ELMO1: variants seen among roughly 807,000 people sequenced by gnomAD.
The protein encoded by ELMO1 is engulfment and cell motility protein 1.
ELMO1 carries 26 observed loss-of-function variants against 98.9 expected under a neutral mutation model. The ratio of observed to expected loss-of-function variants is 0.26; its 90% CI spans 0.19 to 0.36. ELMO1 has a LOEUF of 0.36. Ranked by LOEUF, ELMO1 falls within the 10% of genes least tolerant of loss-of-function variation. The probability of loss-of-function intolerance (pLI) is 1.00; values close to 1 mark genes in which losing one functional copy is unlikely to be tolerated. For missense variants in ELMO1, 627 were observed against 935.2 expected, an observed-to-expected ratio of 0.67 and a Z score of 4.30; for synonymous variants, 346 against 346.0, an observed-to-expected ratio of 1.00 and a Z score of 0.00.
At chr7:37,361,703 A>G (rs1464768343) in intron 1 of ELMO1, among the ~76,000 whole-genome samples, 1 of 152,256 alleles carries the variant, frequency 6.6e-6, no homozygotes, top group Non-Finnish European at 1.5e-5. Context: ...TCAAGCCCGT[A>G]ATCCCAGCAC....
At chr7:37,233,031 G>T in intron 8 of ELMO1, 64 bp downstream of exon 8, 1 of 1,359,786 alleles carries the variant, frequency 7.4e-7, no homozygotes, top group Non-Finnish European at 1.0e-6. Flanking sequence ...CATCCTCAAA[G>T]CAGAGAAAAA....
intron 13 of ELMO1, among the ~76,000 whole-genome samples, chr7:37,192,131 A>G (rs568617626): frequency 5.3e-5 from 8 of 152,254 alleles, no homozygotes; most frequent in Non-Finnish European, 1.2e-4. Flanking sequence ...GTTTTCCACA[A>G]TTTCCTCTCC....
chr7:37,445,477 C>G (rs1449673104), intron 1 of ELMO1, among the ~76,000 whole-genome samples: 1 of 152,162 alleles, frequency 6.6e-6, no homozygotes, highest in East Asian at 1.9e-4. Flanking sequence ...CATTAGGCAA[C>G]CTGATGAAGT....
At chr7:37,004,921 C>A (rs757780384) in intron 16 of ELMO1, among the ~76,000 whole-genome samples, 1 of 151,620 alleles carries the variant, frequency 6.6e-6, no homozygotes, top group Non-Finnish European at 1.5e-5. Context: ...CCATTCTGGC[C>A]AACAAGGTGA....
intron 13 of ELMO1, among the ~76,000 whole-genome samples, chr7:37,188,047 G>A (rs1791323940): frequency 6.6e-6 from 1 of 151,708 alleles, no homozygotes; most frequent in African/African-American, 2.4e-5. Flanking sequence ...GGGGGGTGGG[G>A]GTGCATTAAA....
chr7:37,404,199 T>C (rs1398105328), intron 1 of ELMO1, among the ~76,000 whole-genome samples: 1 of 152,100 alleles, frequency 6.6e-6, no homozygotes, highest in African/African-American at 2.4e-5. Flanking sequence ...ATGGGAAGGT[T>C]TGGGCCAGCA....
intron 18 of ELMO1, among the ~76,000 whole-genome samples, 191 bp downstream of exon 18, chr7:36,887,369 T>C (rs1805110660): frequency 6.6e-6 from 1 of 152,190 alleles, no homozygotes; most frequent in South Asian, 2.1e-4. Context: ...TTTCTGTGGC[T>C]CTTCTGGTAA....
intron 13 of ELMO1, among the ~76,000 whole-genome samples, chr7:37,140,385 CA>C (rs549057573): frequency 1.6e-3 from 202 of 128,850 alleles, no homozygotes; most frequent in Admixed American, 1.7e-3. Context: ...GACTCCGTCT[CA>C]AAAAAAAAAA....
chr7:37,178,408 A>T (rs1400033137), intron 13 of ELMO1, among the ~76,000 whole-genome samples: 1 of 148,260 alleles, frequency 6.7e-6, no homozygotes, highest in African/African-American at 2.5e-5. Context: ...CACGGGAGTC[A>T]TGGGAGCTAC....
chr7:36,977,419 A>C (rs1340540210), intron 16 of ELMO1, among the ~76,000 whole-genome samples: 1 of 152,228 alleles, frequency 6.6e-6, no homozygotes, highest in African/African-American at 2.4e-5. Context: ...ACAGATCACC[A>C]CACACAGTGG....
At chr7:37,430,086 G>A (rs928420215) in intron 1 of ELMO1, among the ~76,000 whole-genome samples, 4 of 152,164 alleles carry the variant, frequency 2.6e-5, no homozygotes, top group Admixed American at 6.5e-5. Context: ...TGGCATTGAC[G>A]GAGAGCACAG....
intron 15 of ELMO1, among the ~76,000 whole-genome samples, chr7:37,052,977 GT>G (rs1417213423): frequency 2.6e-5 from 4 of 152,202 alleles, no homozygotes; most frequent in Non-Finnish European, 5.9e-5. Flanking sequence ...TTCAGCAGAT[GT>G]CTTGGGGTTG....
rs753914608 is a variant in ELMO1 at position 37,417,683 on chromosome 7, C to CACACACACACACACACACACACACACAA, written c.-74+30991_-74+30992insTTGTGTGTGTGTGTGTGTGTGTGTGTGT. Among the ~76,000 whole-genome samples the CACACACACACACACACACACACACACAA allele has an allele frequency of 4.0e-3, 584 of 146,292 alleles. 3 individuals are homozygous for CACACACACACACACACACACACACACAA. The highest frequency in any genetic ancestry group is 4.9e-3 in the Non-Finnish European group (323 of 66,198). On this transcript the variant is annotated intron_variant, in intron 1 of 21. Transcript: ENST00000310758. ...CGTCACACACACACACACACACACA[C>CACACACACACACACACACACACACACAA]AAGCAAAAATTAGCTGGGTGTGGTG... is the stretch of plus-strand genomic sequence containing the variant.
At chr7:37,344,033 A>T (rs1425005316) in intron 1 of ELMO1, among the ~76,000 whole-genome samples, 47 of 134,566 alleles carry the variant, frequency 3.5e-4, no homozygotes, top group Non-Finnish European at 2.8e-4. Flanking sequence ...AAAAGGCAGC[A>T]TTTTTTTTTT....
chr7:37,060,934 C>T (rs1287760851), intron 15 of ELMO1, among the ~76,000 whole-genome samples: 1 of 150,180 alleles, frequency 6.7e-6, no homozygotes, highest in Non-Finnish European at 1.5e-5. Context: ...ACAGAGGCTC[C>T]TACACTAAGA....
At chr7:37,431,027 C>T (rs1438655618) in intron 1 of ELMO1, among the ~76,000 whole-genome samples, 1 of 152,174 alleles carries the variant, frequency 6.6e-6, no homozygotes, top group African/African-American at 2.4e-5. Context: ...ACAGCAAGGT[C>T]AACACAGCAA....
chr7:37,404,626 C>T (rs1192508553), intron 1 of ELMO1, among the ~76,000 whole-genome samples: 1 of 152,208 alleles, frequency 6.6e-6, no homozygotes, highest in Non-Finnish European at 1.5e-5. Context: ...CACACCCCAT[C>T]TGCGAGGCCC....
intron 16 of ELMO1, among the ~76,000 whole-genome samples, chr7:36,946,465 G>C (rs1242430172): frequency 6.6e-6 from 1 of 152,156 alleles, no homozygotes; most frequent in Non-Finnish European, 1.5e-5. Flanking sequence ...CCCAAAACTG[G>C]AATTCTCCCA....
At chr7:37,314,788 ACAT>A (rs1799068332) in intron 4 of ELMO1, 59 bp downstream of exon 4, 3 of 1,515,068 alleles carry the variant, frequency 2.0e-6, no homozygotes, top group East Asian at 4.6e-5. Context: ...AACAAAGAAA[ACAT>A]CATCATGATT....
Sources: allele counts gnomAD v4.1 joint callset (sites outside exome capture counted in the v4.1 genomes callset), GRCh38; gene constraint gnomAD v4.1.1; transcripts MANE v1.5; gene names NCBI Gene and HGNC (gene_info 2026-07-23, HGNC 2026-07-21).